The following SEMA3A variants were observed in gnomAD, a reference collection of about 807,000 sequenced individuals.
The protein encoded by SEMA3A is semaphorin-3A.
In SEMA3A, 29 loss-of-function variants were observed where a neutral mutation model predicts 97.9. That is an observed-to-expected ratio of 0.30 (90% CI 0.22 to 0.40). The LOEUF is 0.40. SEMA3A is among the 10% of genes least tolerant of loss of function. The probability of loss-of-function intolerance (pLI) is 1.00; values close to 1 mark genes in which losing one functional copy is unlikely to be tolerated. For synonymous variants in SEMA3A, 321 were observed against 323.7 expected (o/e 0.99, Z 0.09); for missense variants, 763 against 951.3 (o/e 0.80, Z 2.60).
chr7:84,215,361 T>C (rs1798725075), intron 3 of SEMA3A, among the ~76,000 whole-genome samples: 1 of 151,438 alleles, frequency 6.6e-6, no homozygotes, highest in Non-Finnish European at 1.5e-5. Context: ...AATTTTTTTG[T>C]ATTTTTCATA....
At chr7:84,163,969 C>CCAAGTAGCTGGGATTACAGGCATGT (rs1291541700) in intron 1 of SEMA3A, among the ~76,000 whole-genome samples, 1 of 152,016 alleles carries the variant, frequency 6.6e-6, no homozygotes, top group East Asian at 1.9e-4. Flanking sequence ...CCTCAGCCTC[C>CCAAGTAGCTGGGATTACAGGCATGT]CAAGTAGCTG....
At chr7:84,490,866 T>G (rs1453406464) in intron 1 of SEMA3A, among the ~76,000 whole-genome samples, 2 of 152,290 alleles carry the variant, frequency 1.3e-5, no homozygotes, top group South Asian at 2.1e-4. Context: ...AACTGTACTC[T>G]ATGGCATTCA....
At chr7:84,225,107 A>C (rs1798961363) in intron 3 of SEMA3A, among the ~76,000 whole-genome samples, 1 of 152,100 alleles carries the variant, frequency 6.6e-6, no homozygotes, top group Admixed American at 6.6e-5. Flanking sequence ...AGAAAAGTTA[A>C]ATTTATTTTT....
At chr7:84,356,243 G>A (rs1038350744) in intron 2 of SEMA3A, among the ~76,000 whole-genome samples, 2 of 151,650 alleles carry the variant, frequency 1.3e-5, no homozygotes, top group Non-Finnish European at 2.9e-5. Context: ...TATAGTATAT[G>A]CAACACACTG....
At chr7:84,291,515 T>G (rs512896) in intron 3 of SEMA3A, among the ~76,000 whole-genome samples, 2 of 151,986 alleles carry the variant, frequency 1.3e-5, no homozygotes, top group African/African-American at 4.8e-5. Flanking sequence ...AGAAAAATGT[T>G]AAAAATTACG....
At chr7:84,352,470 G>A (rs1802461449) in intron 2 of SEMA3A, among the ~76,000 whole-genome samples, 1 of 136,918 alleles carries the variant, frequency 7.3e-6, no homozygotes, top group African/African-American at 2.9e-5. Flanking sequence ...CACATTGTAT[G>A]TTGGTATCAA....
chr7:83,961,951 T>A, intron 16 of SEMA3A, 125 bp from the exon 17 acceptor site: 1 of 644,474 alleles, frequency 1.6e-6, no homozygotes, highest in Non-Finnish European at 2.5e-6. Flanking sequence ...AATAAAAATT[T>A]TTAATTTAAG....
At chr7:84,008,172 G>A (rs1051715194) in intron 9 of SEMA3A, among the ~76,000 whole-genome samples, 2 of 152,130 alleles carry the variant, frequency 1.3e-5, no homozygotes. Context: ...AGATAGACTG[G>A]AAGTAAGCCA....
chr7:84,195,481 A>G (rs2116282248), upstream of SEMA3A: 1 of 151,538 alleles, frequency 6.6e-6, no homozygotes, highest in African/African-American at 2.4e-5. Context: ...AACTTTAACC[A>G]CTGAAGGTTT....
chr7:84,443,346 T>A (rs1805319550), intron 1 of SEMA3A, among the ~76,000 whole-genome samples: 1 of 152,104 alleles, frequency 6.6e-6, no homozygotes, highest in Non-Finnish European at 1.5e-5. Context: ...ATTTCTCAAA[T>A]AAATTCCATC....
At position 84,370,095 on chromosome 7, in the gene SEMA3A, T is replaced by A. The variant is rs374276513; in HGVS notation, c.-169+1729A>T. On this transcript the variant is annotated intron_variant, in intron 2 of 3. Transcript: ENST00000424555. ...AGCGCAACATTTTAATGGGCATAAG[T>A]AGGAGAAAACCTTAAAGAGGTAGAA... Among the ~76,000 whole-genome samples the A allele has an allele frequency of 7.0e-4, 106 of 151,472 alleles. 2 individuals carry two copies. In the South Asian group the frequency reaches 0.021, roughly 30 times the overall value.
At chr7:84,172,283 T>C (rs1406084394) in intron 1 of SEMA3A, among the ~76,000 whole-genome samples, 1 of 152,202 alleles carries the variant, frequency 6.6e-6, no homozygotes, top group Non-Finnish European at 1.5e-5. Context: ...TGTACATATA[T>C]ATAACAAGAG....
At chr7:84,137,414 A>G (rs1249479770) in intron 1 of SEMA3A, among the ~76,000 whole-genome samples, 2 of 151,412 alleles carry the variant, frequency 1.3e-5, no homozygotes, top group Non-Finnish European at 2.9e-5. Context: ...AAAAAAAAAA[A>G]AAAGAAATGG....
At chr7:84,350,044 T>C (rs1802398948) in intron 2 of SEMA3A, among the ~76,000 whole-genome samples, 1 of 152,086 alleles carries the variant, frequency 6.6e-6, no homozygotes, top group African/African-American at 2.4e-5. Flanking sequence ...ATTACTAGTG[T>C]TCCCTATTTT....
At chr7:84,231,765 A>T (rs1396421776) in intron 3 of SEMA3A, among the ~76,000 whole-genome samples, 1 of 65,586 alleles carries the variant, frequency 1.5e-5, no homozygotes. Flanking sequence ...ACTAAGCAAG[A>T]GTGTGTTTTA....
chr7:84,037,610 A>G (rs1791987071), intron 6 of SEMA3A, among the ~76,000 whole-genome samples: 1 of 152,166 alleles, frequency 6.6e-6, no homozygotes, highest in Non-Finnish European at 1.5e-5. Flanking sequence ...CCTACGTTAA[A>G]TCTAACAATA....
chr7:84,062,692 G>C (rs1006581304), intron 4 of SEMA3A, among the ~76,000 whole-genome samples: 1 of 152,190 alleles, frequency 6.6e-6, no homozygotes, highest in Non-Finnish European at 1.5e-5. Context: ...ACTCCCACCC[G>C]AATACTGCGC....
rs557357360 is a variant in SEMA3A at position 84,150,935 on chromosome 7, G to C, written c.113-15984C>G. On this transcript the variant is annotated intron_variant, in intron 1 of 16. Transcript: ENST00000265362. ...CTCCTCAAGTGGGTCCCTGACCCCT[G>C]ACCCCTGAGCAGCCTAACTGGGAGG... Among the ~76,000 whole-genome samples, 292 of 149,674 alleles carry C rather than the reference G, an allele frequency of 2.0e-3. 2 individuals are homozygous for C. The Middle Eastern group carries it at 0.024, about 12-fold the overall frequency.
intron 4 of SEMA3A, among the ~76,000 whole-genome samples, chr7:84,075,218 G>A (rs954089715): frequency 6.7e-6 from 1 of 149,824 alleles, no homozygotes; most frequent in African/African-American, 2.5e-5. Flanking sequence ...CTGTTGCCCA[G>A]GCTGGAGTGC....
Sources: allele counts gnomAD v4.1 joint callset (sites outside exome capture counted in the v4.1 genomes callset), GRCh38; gene constraint gnomAD v4.1.1; transcripts MANE v1.5; gene names NCBI Gene and HGNC (gene_info 2026-07-23, HGNC 2026-07-21).